Variants in KIF7 observed in about 807,000 individuals in gnomAD.
The protein encoded by KIF7 is kinesin-like protein KIF7.
In KIF7, 104 loss-of-function variants were observed where a neutral mutation model predicts 135.7. That is an observed-to-expected ratio of 0.77 (90% CI 0.65 to 0.90). The LOEUF (loss-of-function observed/expected upper bound fraction) is 0.90, where lower values mean the gene tolerates loss of function less well. KIF7 is among the 40% of genes least tolerant of loss of function. The probability of loss-of-function intolerance (pLI) is 0.00; values close to 1 mark genes in which losing one functional copy is unlikely to be tolerated. For synonymous variants in KIF7, 883 were observed against 809.4 expected (o/e 1.09, Z -1.54); for missense variants, 2,005 against 1,839.1 (o/e 1.09, Z -1.65).
At chr15:89,620,566 T>A (rs1963406986) in intron 1 of KIF7, among the ~76,000 whole-genome samples, 1 of 152,144 alleles carries the variant, frequency 6.6e-6, no homozygotes, top group Admixed American at 6.5e-5. Flanking sequence ...TTTTCTAACA[T>A]AGGAGCTGGG....
chr15:89,625,596 C>G (rs373209536), downstream of KIF7: 3 of 1,613,144 alleles, frequency 1.9e-6, no homozygotes, highest in Non-Finnish European at 1.7e-6. Context: ...CCGAGGAAGC[C>G]TCTTCCTGGG....
chr15:89,659,908 G>A (rs530045615), upstream of KIF7, among the ~76,000 whole-genome samples: 3 of 152,266 alleles, frequency 2.0e-5, no homozygotes, highest in South Asian at 2.1e-4. Flanking sequence ...GTAAAAATAC[G>A]GAAACAGGCC....
chr15:89,644,721 TA>T (rs1963980666), intron 10 of KIF7, among the ~76,000 whole-genome samples: 2 of 152,268 alleles, frequency 1.3e-5, no homozygotes, highest in Admixed American at 1.3e-4. Context: ...TACTGCTTAC[TA>T]AGAGCTATTC....
In KIF7 at chr15:89,629,271, G is replaced by A. The variant is rs960035062; in HGVS notation, c.3517+104C>T. ...AGGGCTGTAGGTGCAGGGGCTGTGA[G>A]TGGCAGGGGCGGTGGGGGGAGGGAG... is the stretch of plus-strand genomic sequence containing the variant. On this transcript the variant is annotated intron_variant, in intron 17 of 18. Transcript: ENST00000394412. 163 of 1,196,050 alleles carry A rather than the reference G, an allele frequency of 1.4e-4. 1 individual carries two copies. Among genetic ancestry groups the A allele is most frequent in the Non-Finnish European group, 1.7e-4 (152 of 877,486 alleles). 74.1% of individuals were successfully genotyped at this position (1,196,050 alleles called of 1,614,324 possible).
upstream of KIF7, among the ~76,000 whole-genome samples, chr15:89,657,101 A>C (rs1330730483): frequency 6.6e-6 from 1 of 152,182 alleles, no homozygotes; most frequent in Non-Finnish European, 1.5e-5. Flanking sequence ...TCAGCCCAGG[A>C]GTTTGAGACC....
In KIF7 at chr15:89,629,117, G is replaced by T. The variant is rs1274899790; in HGVS notation, c.3523C>A (p.Leu1175Ile). 6.2e-7 allele frequency: 1 copy of T among 1,612,356 alleles called. No homozygotes were observed. Among genetic ancestry groups the T allele is most frequent in the South Asian group, 1.1e-5 (1 of 90,934 alleles). The stretch of plus-strand genomic sequence containing the variant: ...CTGCTGTCTGCTAACCCTTCACCGA[G>T]GTGGTCTAGAGTGGAAAGGTCGAGG... ...QLLLQQSRDH[L>I]GEGLADSRRQ... The change falls in exon 18 of 19, where the codon CTC becomes ATC. Residue 1175 changes from leucine (L) to isoleucine (I), a missense_variant. By Grantham distance (5) the Leu-to-Ile change is conservative. Coordinates refer to ENST00000394412, the MANE Select transcript of KIF7 (RefSeq NM_198525.3).
Position 89,645,087 on chromosome 15 carries a change from G to A in KIF7, c.2117C>T (p.Ala706Val). Residue 706 changes from alanine to valine, a missense_variant, in exon 10 of 19, where the codon GCC becomes GTC. Ala to Val is a moderately conservative substitution (Grantham distance 64, BLOSUM62 0). Transcript: ENST00000394412. The stretch of plus-strand genomic sequence containing the variant: ...AGCCAGCTCCCGGATCTTCTGCTGG[G>A]CCTGGGCCAGCCGCCACTCTGAGGC... ...ATASEWRLAQ[A>V]QQKIRELAIN... is the part of the protein sequence containing the mutation. The A allele has an allele frequency of 6.2e-7, 1 of 1,603,612 alleles. No homozygotes were observed. The highest frequency in any genetic ancestry group is 8.5e-7 in the Non-Finnish European group (1 of 1,179,872).
intron 10 of KIF7, 109 bp downstream of exon 10, chr15:89,644,902 TCC>T: frequency 7.0e-6 from 10 of 1,437,318 alleles, no homozygotes; most frequent in Non-Finnish European, 9.6e-6. Flanking sequence ...ACCTAGGCCA[TCC>T]GGCCCCTGCT....
chr15:89,624,889 T>C (rs1227443006), downstream of KIF7: 1 of 1,614,028 alleles, frequency 6.2e-7, no homozygotes, highest in African/African-American at 1.3e-5. Flanking sequence ...TGACGTGCAC[T>C]GTACCACAGA....
upstream of KIF7, among the ~76,000 whole-genome samples, chr15:89,657,953 T>C (rs1964223982): frequency 2.6e-5 from 4 of 152,202 alleles, no homozygotes; most frequent in African/African-American, 9.7e-5. Context: ...ATTCAGACAA[T>C]GTGCTAATGC....
chr15:89,626,018 G>T, downstream of KIF7: 3 of 1,613,772 alleles, frequency 1.9e-6, no homozygotes, highest in Non-Finnish European at 2.5e-6. Context: ...CTCCGCTGCT[G>T]TTCCAGGGGA....
intron 1 of KIF7, among the ~76,000 whole-genome samples, chr15:89,621,938 T>G (rs899138477): frequency 6.7e-6 from 1 of 150,106 alleles, no homozygotes; most frequent in East Asian, 1.9e-4. Flanking sequence ...TCCCCAGGCA[T>G]AGCCAATCAG....
At chr15:89,655,204 AC>A (rs1306211186) in intron 1 of KIF7, among the ~76,000 whole-genome samples, 194 bp downstream of exon 1, 6 of 152,182 alleles carry the variant, frequency 3.9e-5, no homozygotes, top group Non-Finnish European at 8.8e-5. Flanking sequence ...TGTCGGGAAG[AC>A]GGCGCCGGCC....
chr15:89,633,972 G>C, intron 11 of KIF7, 89 bp from the exon 12 acceptor site: 1 of 1,384,256 alleles, frequency 7.2e-7, no homozygotes, highest in African/African-American at 1.4e-5. Context: ...CAGGCAGATA[G>C]AGGGCAAATG....
chr15:89,627,880 TCTCA>T (rs1418862495), downstream of KIF7: 1 of 139,508 alleles, frequency 7.2e-6, no homozygotes, highest in Non-Finnish European at 1.7e-5. Context: ...CTGAACTGTC[TCTCA>T]GTCTCCAGAA....
At chr15:89,623,296 T>G (rs955488087), downstream of KIF7, among the ~76,000 whole-genome samples, 2 of 152,224 alleles carry the variant, frequency 1.3e-5, no homozygotes, top group Non-Finnish European at 2.9e-5. Context: ...CTGCCTTATC[T>G]GAAAAGAAGG....
chr15:89,659,724 G>A (rs959318905), upstream of KIF7, among the ~76,000 whole-genome samples: 8 of 152,160 alleles, frequency 5.3e-5, no homozygotes, highest in African/African-American at 1.7e-4. Flanking sequence ...GAGGATGCTG[G>A]TAAGAGGACT....
chr15:89,629,732 C>G, intron 16 of KIF7, 159 bp from the exon 17 acceptor site: 1 of 876,198 alleles, frequency 1.1e-6, no homozygotes. Context: ...GACACCTCAG[C>G]AGTGCTCTAG....
chr15:89,662,294 C>A, the KIF7 span, among the ~76,000 whole-genome samples: 2 of 152,102 alleles, frequency 1.3e-5, no homozygotes, highest in African/African-American at 2.4e-5. Flanking sequence ...GTCAGGAGTT[C>A]GAGACCAGCC....
Sources: allele counts gnomAD v4.1 joint callset (sites outside exome capture counted in the v4.1 genomes callset), GRCh38; gene constraint gnomAD v4.1.1; transcripts MANE v1.5; gene names NCBI Gene and HGNC (gene_info 2026-07-23, HGNC 2026-07-21).